CHST6: variants seen among roughly 807,000 people sequenced by gnomAD.
The protein encoded by CHST6 is N-acetylglucosamine 6-O-sulfotransferase 5.
For synonymous variants in CHST6, 309 were observed against 276.4 expected, an observed-to-expected ratio of 1.12 and a Z score of -1.17; for missense variants, 698 against 586.2, an observed-to-expected ratio of 1.19 and a Z score of -1.97.
intron 1 of CHST6, among the ~76,000 whole-genome samples, chr16:75,485,744 G>C (rs2080189596): frequency 6.6e-6 from 1 of 152,164 alleles, no homozygotes; most frequent in Non-Finnish European, 1.5e-5. Flanking sequence ...CAGTGCTCAG[G>C]ATCCCGATCC....
At position 75,478,668 on chromosome 16, in the gene CHST6, T is replaced by G; in HGVS notation, c.1161A>C (p.Ser387=). The part of the protein sequence containing the change: ...PRGLNGFTWA[S]STASHPRN Reference sequence around the variant, plus strand: ...AATTTCGGGGGTGCGAGGCGGTGGATGATGCCCAAGTGAAGCCGTTCAGGC... The same window carrying G: ...AATTTCGGGGGTGCGAGGCGGTGGAGGATGCCCAAGTGAAGCCGTTCAGGC... The change falls in exon 3 of 3, where the codon TCA becomes TCC. Residue 387 remains serine, a synonymous_variant. Transcript: ENST00000332272. 1 of 1,613,662 alleles carries G rather than the reference T, an allele frequency of 6.2e-7. No homozygotes were observed. Among genetic ancestry groups the G allele is most frequent in the Non-Finnish European group, 8.5e-7 (1 of 1,179,980 alleles).
At chr16:75,488,703 G>C (rs1287695837) in intron 1 of CHST6, among the ~76,000 whole-genome samples, 2 of 151,746 alleles carry the variant, frequency 1.3e-5, no homozygotes, top group African/African-American at 4.8e-5. Flanking sequence ...CATAAAACAG[G>C]CCAGGTGCGG....
At chr16:75,492,291 TA>T (rs1346036581) in intron 1 of CHST6, among the ~76,000 whole-genome samples, 1 of 152,226 alleles carries the variant, frequency 6.6e-6, no homozygotes, top group African/African-American at 2.4e-5. Flanking sequence ...TGCCTTGGTC[TA>T]AATTGTAGTA....
intron 1 of CHST6, among the ~76,000 whole-genome samples, chr16:75,484,044 T>G (rs2080169323): frequency 6.8e-6 from 1 of 146,406 alleles, no homozygotes; most frequent in African/African-American, 2.5e-5. Flanking sequence ...AAATAATAAA[T>G]AAATAAATAG....
chr16:75,494,962 C>T lies in CHST6; in HGVS notation c.-114G>A, dbSNP rs1419537287. ...TACCCCAAAGCTTGGCGGCTCTGCC[C>T]GAGCTGCAGCGGCACGGTGGGGGAC... On this transcript the variant is annotated 5_prime_UTR_variant, in exon 1 of 3. Transcript: ENST00000332272. The T allele has an allele frequency of 1.3e-5, 2 of 152,348 alleles. No homozygotes were observed. Among genetic ancestry groups the T allele is most frequent in the South Asian group, 2.1e-4 (1 of 4,836 alleles). 9.4% of individuals were successfully genotyped at this position (152,348 alleles called of 1,614,324 possible). A position where few individuals can be genotyped will look rare whatever the true frequency, so the allele number is the denominator to read the frequency against.
chr16:75,490,268 C>T (rs555842904), intron 1 of CHST6, among the ~76,000 whole-genome samples: 143 of 150,472 alleles, frequency 9.5e-4, no homozygotes, highest in Non-Finnish European at 1.7e-3. Flanking sequence ...CACCTGAGGT[C>T]GGGAGTTCGA....
chr16:75,487,806 T>TAAAAAAAAAAAAAAAAAA (rs771817845), intron 1 of CHST6, among the ~76,000 whole-genome samples: 1 of 56,200 alleles, frequency 1.8e-5, no homozygotes, highest in African/African-American at 6.7e-5. Flanking sequence ...CCGTCCCCCC[T>TAAAAAAAAAAAAAAAAAA]AAAAAAAAAA....
intron 1 of CHST6, among the ~76,000 whole-genome samples, chr16:75,483,160 A>C (rs2080161119): frequency 1.3e-5 from 2 of 152,232 alleles, no homozygotes; most frequent in South Asian, 4.1e-4. Context: ...ACAGCGAGAA[A>C]GCTGGGACCC....
chr16:75,487,141 A>G (rs2080206421), intron 1 of CHST6, among the ~76,000 whole-genome samples: 1 of 152,232 alleles, frequency 6.6e-6, no homozygotes, highest in Non-Finnish European at 1.5e-5. Context: ...AGTAGCCCAC[A>G]TGGCTTTCTG....
intron 1 of CHST6, among the ~76,000 whole-genome samples, chr16:75,493,854 G>A (rs925499006): frequency 6.6e-6 from 1 of 152,062 alleles, no homozygotes; most frequent in African/African-American, 2.4e-5. Flanking sequence ...GGCCTGGCTT[G>A]TGTTTTTTCT....
chr16:75,473,097 A>G lies in CHST6; in HGVS notation c.*5544T>C, dbSNP rs996064809. On this transcript the variant is annotated 3_prime_UTR_variant, in exon 3 of 3. Transcript: ENST00000332272. ...TCAAGTGTATCGGTTAGGCAATGCT[A>G]CGTAACAAACCACCACAACACTCAA... 6.6e-6 allele frequency: 1 copy of G among 152,284 alleles called. No homozygotes were observed. Among genetic ancestry groups the G allele is most frequent in the Non-Finnish European group, 1.5e-5 (1 of 68,058 alleles). 9.4% of individuals were successfully genotyped at this position (152,284 alleles called of 1,614,324 possible). A position where few individuals can be genotyped will look rare whatever the true frequency, so the allele number is the denominator to read the frequency against.
chr16:75,492,291 T>C (rs2080264856), intron 1 of CHST6, among the ~76,000 whole-genome samples: 1 of 152,226 alleles, frequency 6.6e-6, no homozygotes, highest in Admixed American at 6.5e-5. Flanking sequence ...TGCCTTGGTC[T>C]AAATTGTAGT....
At chr16:75,492,283 C>T (rs180747813) in intron 1 of CHST6, among the ~76,000 whole-genome samples, 5 of 152,324 alleles carry the variant, frequency 3.3e-5, no homozygotes, top group African/African-American at 9.6e-5. Flanking sequence ...ACAGCACCTG[C>T]CTTGGTCTAA....
In CHST6 at chr16:75,473,733, A is replaced by T. The variant is rs2080038394; in HGVS notation, c.*4908T>A. The T allele has an allele frequency of 6.6e-6, 1 of 152,162 alleles. No homozygotes were observed. The highest frequency in any genetic ancestry group is 1.5e-5 in the Non-Finnish European group (1 of 68,036). 9.4% of individuals were successfully genotyped at this position (152,162 alleles called of 1,614,324 possible). On this transcript the variant is annotated 3_prime_UTR_variant, in exon 3 of 3. Transcript: ENST00000332272. ...CCATCCCATAGTTTACCACCTTTGG[A>T]AGCCTAAAACTGTTGTCCTTGGTCA... is the stretch of plus-strand genomic sequence containing the variant.
chr16:75,478,854 A>G lies in CHST6; in HGVS notation c.975T>C (p.Asn325=). 1 of 1,613,484 alleles carries G rather than the reference A, an allele frequency of 6.2e-7. No individual in the cohort carries two copies. Among genetic ancestry groups the G allele is most frequent in the Non-Finnish European group, 8.5e-7 (1 of 1,179,974 alleles). Residue 325 remains asparagine, a synonymous_variant, in exon 3 of 3, where the codon AAT becomes AAC. Transcript: ENST00000332272. ...GCCAGGCCTGGGAGACGTTGAGCGC[A>G]TTCCTGGACGAAGTCTTGAAGGCTT... ...RREAFKTSSR[N]ALNVSQAWRH...
In CHST6 at chr16:75,478,790, C is replaced by T. The variant is rs72547535; in HGVS notation, c.1039G>A (p.Glu347Lys). Residue 347 changes from glutamate (E) to lysine (K), a missense_variant, in exon 3 of 3, where the codon GAA becomes AAA. Transcript: ENST00000332272. Reference sequence around the variant, plus strand: ...AGCTGCAGCGCACCAGCGCACAGTTCCTGCACGCGGCGGATCTTGGCAAAG... The same window carrying T: ...AGCTGCAGCGCACCAGCGCACAGTTTCTGCACGCGGCGGATCTTGGCAAAG... ...LPFAKIRRVQ[E>K]LCAGALQLLG... 6.2e-7 allele frequency: 1 copy of T among 1,613,482 alleles called. No homozygotes were observed. The highest frequency in any genetic ancestry group is 1.6e-4 in the Middle Eastern group (1 of 6,062).
chr16:75,481,390 C>A (rs986456992), intron 2 of CHST6, among the ~76,000 whole-genome samples: 3 of 151,948 alleles, frequency 2.0e-5, no homozygotes, highest in South Asian at 2.1e-4. Flanking sequence ...GTCAGGAGTT[C>A]GACACCAACC....
At chr16:75,492,165 T>A (rs762869296) in intron 1 of CHST6, among the ~76,000 whole-genome samples, 2 of 152,286 alleles carry the variant, frequency 1.3e-5, no homozygotes, top group Non-Finnish European at 2.9e-5. Context: ...CAAGCCTCCC[T>A]GGCTCAGAGC....
chr16:75,488,939 G>A (rs531792468), intron 1 of CHST6, among the ~76,000 whole-genome samples: 1 of 151,904 alleles, frequency 6.6e-6, no homozygotes, highest in Non-Finnish European at 1.5e-5. Flanking sequence ...TGGAAGGTGA[G>A]TGTTCATGGG....
Sources: allele counts gnomAD v4.1 joint callset (sites outside exome capture counted in the v4.1 genomes callset), GRCh38; gene constraint gnomAD v4.1.1; transcripts MANE v1.5; gene names NCBI Gene and HGNC (gene_info 2026-07-23, HGNC 2026-07-21).